Variants in PLD5 observed in about 807,000 individuals in gnomAD.
The protein encoded by PLD5 is inactive phospholipase D5.
PLD5 carries 36 observed loss-of-function variants against 61.1 expected under a neutral mutation model. The observed-to-expected ratio is 0.59, with a 90% confidence interval of 0.45 to 0.78. PLD5 has a LOEUF of 0.78. Ranked by LOEUF, PLD5 falls within the 30% of genes least tolerant of loss-of-function variation. The pLI is 0.00. For synonymous variants in PLD5, 243 were observed against 242.8 expected, an observed-to-expected ratio of 1.00 and a Z score of -0.01; for missense variants, 515 against 644.4, an observed-to-expected ratio of 0.80 and a Z score of 2.17.
intron 1 of PLD5, among the ~76,000 whole-genome samples, chr1:242,503,384 T>C (rs1668619688): frequency 6.6e-6 from 1 of 152,200 alleles, no homozygotes; most frequent in Non-Finnish European, 1.5e-5. Context: ...AAAAGCTCCC[T>C]GAGGCCTCCT....
At chr1:242,483,253 C>A (rs1328881159) in intron 1 of PLD5, among the ~76,000 whole-genome samples, 2 of 152,154 alleles carry the variant, frequency 1.3e-5, no homozygotes, top group African/African-American at 4.8e-5. Context: ...AATTAAAAGA[C>A]ACAGACTGGC....
chr1:242,232,192 T>G (rs572512960), intron 4 of PLD5, among the ~76,000 whole-genome samples: 2 of 152,082 alleles, frequency 1.3e-5, no homozygotes, highest in Non-Finnish European at 2.9e-5. Flanking sequence ...TTTCAGAATA[T>G]TGGAAATGAA....
chr1:242,277,012 A>G (rs1347742781), intron 3 of PLD5, among the ~76,000 whole-genome samples: 1 of 152,098 alleles, frequency 6.6e-6, no homozygotes, highest in Non-Finnish European at 1.5e-5. Flanking sequence ...AGAGATTAAT[A>G]TCAGAAGCAG....
At chr1:242,346,009 G>A (rs1247684374) in intron 2 of PLD5, among the ~76,000 whole-genome samples, 2 of 126,222 alleles carry the variant, frequency 1.6e-5, no homozygotes, top group Non-Finnish European at 3.3e-5. Context: ...TTTCAGAAAA[G>A]ATCTCCCCCC....
chr1:242,307,992 A>T (rs1417771433), intron 2 of PLD5, among the ~76,000 whole-genome samples: 2 of 152,350 alleles, frequency 1.3e-5, no homozygotes, highest in Non-Finnish European at 2.9e-5. Flanking sequence ...GAATTCTATT[A>T]TACAATATAA....
At chr1:242,226,935 G>T (rs915670019) in intron 4 of PLD5, among the ~76,000 whole-genome samples, 2 of 152,044 alleles carry the variant, frequency 1.3e-5, no homozygotes, top group African/African-American at 2.4e-5. Context: ...TAACTAAAAG[G>T]TTATTAAAAT....
intron 1 of PLD5, among the ~76,000 whole-genome samples, chr1:242,442,141 A>T (rs532054245): frequency 6.6e-6 from 1 of 152,216 alleles, no homozygotes; most frequent in Non-Finnish European, 1.5e-5. Context: ...TTGCCCAGTG[A>T]TTTAAAAAAT....
At position 242,360,807 on chromosome 1, in the gene PLD5, CTT is replaced by C. The variant is rs1258894037; in HGVS notation, c.190-12567_190-12566del. On this transcript the variant is annotated intron_variant, in intron 1 of 9. Coordinates refer to ENST00000536534, the MANE Select transcript of PLD5 (RefSeq NM_001372062.1). ...TTTACAATGGAAAAAAGTGATTAAA[CTT>C]TTTTCATTTTATCCAGTTTCCTTAG... Among the ~76,000 whole-genome samples, 4 of 152,058 alleles carry C rather than the reference CTT, an allele frequency of 2.6e-5. No homozygotes were observed. In the East Asian group the frequency reaches 7.7e-4, roughly 29 times the overall value.
chr1:242,359,259 G>A (rs1371037641), intron 1 of PLD5, among the ~76,000 whole-genome samples: 2 of 152,090 alleles, frequency 1.3e-5, no homozygotes, highest in Non-Finnish European at 2.9e-5. Context: ...GGCTTCCTGG[G>A]AAGTGTCAGA....
chr1:242,474,914 A>T (rs1246704735), intron 1 of PLD5, among the ~76,000 whole-genome samples: 3 of 152,182 alleles, frequency 2.0e-5, no homozygotes, highest in African/African-American at 7.2e-5. Flanking sequence ...CTGTTGCTGC[A>T]TTTAACAATG....
chr1:242,241,899 A>G (rs1268866596), intron 4 of PLD5, among the ~76,000 whole-genome samples: 1 of 44,332 alleles, frequency 2.3e-5, no homozygotes, highest in Non-Finnish European at 4.5e-5. Context: ...ATATATATAT[A>G]TATATATATA....
chr1:242,220,083 A>G lies in PLD5; in HGVS notation c.640T>C (p.Tyr214His), dbSNP rs1347707864. ...AEVTYMNMTAYNKGRLQSSFW... is the reference protein window; with the variant it reads ...AEVTYMNMTAHNKGRLQSSFW... ...GAGGACTGCAGCCGGCCCTTGTTGTAAGCGGTCATGTTCATGTACGTCACC... is the reference window on the plus strand; with the variant it reads ...GAGGACTGCAGCCGGCCCTTGTTGTGAGCGGTCATGTTCATGTACGTCACC... The change falls in exon 5 of 10, where the codon TAC (tyrosine) becomes CAC (histidine). Residue 214 changes from tyrosine to histidine, a missense_variant. Physicochemically the swap from Tyr to His is moderately conservative, Grantham distance 83. Coordinates refer to ENST00000536534, the MANE Select transcript of PLD5 (RefSeq NM_001372062.1). The G allele has an allele frequency of 6.2e-7, 1 of 1,614,190 alleles. No homozygotes were observed. The highest frequency in any genetic ancestry group is 1.1e-5 in the South Asian group (1 of 91,086).
intron 1 of PLD5, among the ~76,000 whole-genome samples, chr1:242,427,828 T>A (rs1180028553): frequency 6.6e-6 from 1 of 152,198 alleles, no homozygotes; most frequent in Non-Finnish European, 1.5e-5. Flanking sequence ...CAGCTGTCTT[T>A]TTCCCCATTC....
intron 1 of PLD5, among the ~76,000 whole-genome samples, chr1:242,497,962 T>TTTAC (rs66482413): frequency 2.0e-4 from 1 of 5,018 alleles, no homozygotes; most frequent in East Asian, 0.013. Flanking sequence ...TTCAATTTAT[T>TTTAC]TTATTTATTT....
chr1:242,304,997 C>A (rs1391313543), intron 2 of PLD5, among the ~76,000 whole-genome samples: 1 of 152,002 alleles, frequency 6.6e-6, no homozygotes, highest in Non-Finnish European at 1.5e-5. Flanking sequence ...TCCCAGCTAC[C>A]CCGGAGGCAG....
intron 8 of PLD5, among the ~76,000 whole-genome samples, chr1:242,101,012 T>C (rs778664654): frequency 1.8e-4 from 27 of 152,218 alleles, no homozygotes; most frequent in Non-Finnish European, 2.9e-4. Context: ...ACTTTTAAGC[T>C]ACAAAATGAA....
At chr1:242,154,553 A>ATTTT (rs1665199419) in intron 5 of PLD5, among the ~76,000 whole-genome samples, 1 of 152,144 alleles carries the variant, frequency 6.6e-6, no homozygotes, top group Admixed American at 6.5e-5. Context: ...TTTAGCACGA[A>ATTTT]GGGGTGTTGA....
chr1:242,364,717 A>G (rs1212958905), intron 1 of PLD5, among the ~76,000 whole-genome samples: 1 of 152,202 alleles, frequency 6.6e-6, no homozygotes, highest in South Asian at 2.1e-4. Flanking sequence ...CTCTGTCTCA[A>G]TAAAGAAAAG....
At chr1:242,202,003 T>A (rs1353276569) in intron 5 of PLD5, among the ~76,000 whole-genome samples, 1 of 152,100 alleles carries the variant, frequency 6.6e-6, no homozygotes, top group Non-Finnish European at 1.5e-5. Context: ...TCATTTGATG[T>A]CAGGAGTTCA....
Sources: allele counts gnomAD v4.1 joint callset (sites outside exome capture counted in the v4.1 genomes callset), GRCh38; gene constraint gnomAD v4.1.1; transcripts MANE v1.5; gene names NCBI Gene and HGNC (gene_info 2026-07-23, HGNC 2026-07-21).